GSE1: variants seen among roughly 807,000 people sequenced by gnomAD.
GSE1 encodes the protein Gse1 coiled-coil protein, also known as genetic suppressor element 1.
In GSE1, 32 loss-of-function variants were observed where a neutral mutation model predicts 112.6. The observed-to-expected ratio is 0.28, with a 90% confidence interval of 0.21 to 0.38. GSE1 has a LOEUF of 0.38. Ranked by LOEUF, GSE1 falls within the 10% of genes least tolerant of loss-of-function variation. The probability of loss-of-function intolerance (pLI) is 1.00; values close to 1 mark genes in which losing one functional copy is unlikely to be tolerated. For missense variants in GSE1, 2,348 were observed against 1,699.2 expected (o/e 1.38, Z -6.71); for synonymous variants, 1,115 against 735.6 (o/e 1.52, Z -8.35).
At chr16:85,219,023 G>A (rs974166691) in intron 1 of GSE1, among the ~76,000 whole-genome samples, 7 of 152,148 alleles carry the variant, frequency 4.6e-5, no homozygotes, top group Admixed American at 1.3e-4. Context: ...GGGACTACAG[G>A]TGCCTGCCAC....
At chr16:85,491,012 C>G (rs1243191712) in intron 2 of GSE1, among the ~76,000 whole-genome samples, 1 of 152,186 alleles carries the variant, frequency 6.6e-6, no homozygotes, top group African/African-American at 2.4e-5. Flanking sequence ...ACCCCGATCT[C>G]TCCCCCTGCC....
chr16:85,582,947 G>A (rs1004410833), intron 1 of GSE1, among the ~76,000 whole-genome samples: 1 of 152,316 alleles, frequency 6.6e-6, no homozygotes, highest in African/African-American at 2.4e-5. Flanking sequence ...TAAAGTCGGA[G>A]GATTACTGTG....
At chr16:85,312,522 G>A (rs181147506) in intron 1 of GSE1, among the ~76,000 whole-genome samples, 181 of 152,296 alleles carry the variant, frequency 1.2e-3, no homozygotes, top group African/African-American at 4.1e-3. Context: ...TTGTAAGGAC[G>A]CTAGTTAGTG....
At chr16:85,621,338 G>A (rs368056110) in intron 1 of GSE1, among the ~76,000 whole-genome samples, 11 of 152,234 alleles carry the variant, frequency 7.2e-5, no homozygotes, top group East Asian at 1.9e-4. Context: ...CGCTTAGATC[G>A]TCTCTTGAAA....
At chr16:85,458,768 C>G (rs1439817396) in intron 2 of GSE1, among the ~76,000 whole-genome samples, 1 of 152,178 alleles carries the variant, frequency 6.6e-6, no homozygotes, top group Non-Finnish European at 1.5e-5. Flanking sequence ...TGCTGGGGAT[C>G]CTGGTGCTTC....
At chr16:85,473,350 A>G (rs1021534678) in intron 2 of GSE1, among the ~76,000 whole-genome samples, 3 of 152,164 alleles carry the variant, frequency 2.0e-5, no homozygotes, top group African/African-American at 7.2e-5. Context: ...GGGAGTGGGC[A>G]GGCTGCAGGA....
intron 2 of GSE1, among the ~76,000 whole-genome samples, chr16:85,400,668 CGT>C (rs1567737040): frequency 2.8e-4 from 41 of 147,160 alleles, no homozygotes; most frequent in Admixed American, 7.4e-4. Context: ...GTGTATGTTG[CGT>C]GTGTCTCTGT....
Position 85,410,257 on chromosome 16 carries a change from T to A in GSE1, c.2464+52614T>A, listed in dbSNP as rs76467038. Reference sequence around the variant, plus strand: ...CCCCCTGGATAATCCTCACTGTTACTCTCAGGCCCCCCGGATAATCCTCAC... The same window carrying A: ...CCCCCTGGATAATCCTCACTGTTACACTCAGGCCCCCCGGATAATCCTCAC... On this transcript the variant is annotated intron_variant, in intron 2 of 2. Transcript: ENST00000637419. Among the ~76,000 whole-genome samples the A allele has an allele frequency of 9.4e-3, 113 of 11,976 alleles. 19 individuals are homozygous for A. Among genetic ancestry groups the A allele is most frequent in the Admixed American group, 0.025 (19 of 752 alleles). The allele number at this position is 11,976 out of a possible 152,430, so 7.9% of individuals were successfully genotyped here. A position where few individuals can be genotyped will look rare whatever the true frequency, so the allele number is the denominator to read the frequency against.
chr16:85,662,749 C>T (rs903106863), intron 9 of GSE1: 2 of 530,560 alleles, frequency 3.8e-6, no homozygotes, highest in Non-Finnish European at 6.7e-6. Flanking sequence ...GGGGACCACC[C>T]AGCTACTGGG....
At chr16:85,550,809 A>C (rs2044881582) in intron 2 of GSE1, among the ~76,000 whole-genome samples, 1 of 152,166 alleles carries the variant, frequency 6.6e-6, no homozygotes, top group Non-Finnish European at 1.5e-5. Flanking sequence ...TCCATTTTGA[A>C]GGTGCAGCTG....
chr16:85,196,541 C>G (rs1055420292), intron 1 of GSE1, among the ~76,000 whole-genome samples: 2 of 152,090 alleles, frequency 1.3e-5, no homozygotes, highest in African/African-American at 4.8e-5. Context: ...CTGGCTGAGT[C>G]TCTGGTGCCC....
chr16:85,295,502 GC>G (rs1597320808), intron 1 of GSE1, among the ~76,000 whole-genome samples: 1 of 152,220 alleles, frequency 6.6e-6, no homozygotes, highest in African/African-American at 2.4e-5. Flanking sequence ...CCTTTCGGCT[GC>G]TGTCACGTCC....
chr16:85,660,712 C>T (rs1334122717), intron 8 of GSE1, among the ~76,000 whole-genome samples: 3 of 151,870 alleles, frequency 2.0e-5, no homozygotes, highest in African/African-American at 4.8e-5. Flanking sequence ...CTCACTGCAA[C>T]GTCTGCCTCC....
At chr16:85,589,876 CATT>C (rs1235577980) in intron 1 of GSE1, among the ~76,000 whole-genome samples, 2 of 151,260 alleles carry the variant, frequency 1.3e-5, no homozygotes, top group Non-Finnish European at 2.9e-5. Flanking sequence ...GTGACAGAGA[CATT>C]GTGTGTGAAG....
At chr16:85,495,058 A>G (rs953578229) in intron 2 of GSE1, among the ~76,000 whole-genome samples, 3 of 152,198 alleles carry the variant, frequency 2.0e-5, no homozygotes, top group Non-Finnish European at 4.4e-5. Flanking sequence ...TAGCCTTCCT[A>G]TGGGCTATGA....
chr16:85,394,727 G>A (rs191147622), intron 2 of GSE1, among the ~76,000 whole-genome samples: 65 of 152,198 alleles, frequency 4.3e-4, no homozygotes, highest in African/African-American at 1.4e-3. Flanking sequence ...AGCCCCGTCC[G>A]TCTCCCCCGA....
At chr16:85,585,193 G>T (rs934835414) in intron 1 of GSE1, among the ~76,000 whole-genome samples, 2 of 152,348 alleles carry the variant, frequency 1.3e-5, no homozygotes, top group South Asian at 4.1e-4. Context: ...AAACGTGCTG[G>T]CCTGCAGGAA....
At chr16:85,328,958 T>G (rs1029662991) in intron 1 of GSE1, among the ~76,000 whole-genome samples, 1 of 152,036 alleles carries the variant, frequency 6.6e-6, no homozygotes, top group African/African-American at 2.4e-5. Flanking sequence ...CTGATGCCCC[T>G]CCAGGACTGG....
intron 1 of GSE1, among the ~76,000 whole-genome samples, chr16:85,257,793 T>G (rs573594930): frequency 5.3e-5 from 8 of 152,214 alleles, no homozygotes; most frequent in African/African-American, 1.9e-4. Flanking sequence ...GGCAATAGAG[T>G]GAGACCCTGT....
Sources: allele counts gnomAD v4.1 joint callset (sites outside exome capture counted in the v4.1 genomes callset), GRCh38; gene constraint gnomAD v4.1.1; transcripts MANE v1.5; gene names NCBI Gene and HGNC (gene_info 2026-07-23, HGNC 2026-07-21).